Variants in CPED1 observed in about 807,000 individuals in gnomAD.
CPED1 encodes cadherin like and PC-esterase domain containing 1, also known as cadherin-like and PC-esterase domain-containing protein 1.
In CPED1, 114 loss-of-function variants were observed where a neutral mutation model predicts 128.2. The ratio of observed to expected loss-of-function variants is 0.89; its 90% CI spans 0.76 to 1.04. The LOEUF (loss-of-function observed/expected upper bound fraction) is 1.04, where lower values mean the gene tolerates loss of function less well. Among genes scored for constraint, CPED1 ranks in the 50% least tolerant of loss-of-function variants. The probability of loss-of-function intolerance (pLI) is 0.00; values close to 1 mark genes in which losing one functional copy is unlikely to be tolerated. For missense variants in CPED1, 1,211 were observed against 1,207.1 expected (o/e 1.00, Z -0.05); for synonymous variants, 462 against 426.7 (o/e 1.08, Z -1.02).
chr7:121,283,781 A>G (rs1792508272), intron 22 of CPED1, among the ~76,000 whole-genome samples: 1 of 152,170 alleles, frequency 6.6e-6, no homozygotes, highest in Non-Finnish European at 1.5e-5. Context: ...AATCATGGTG[A>G]CTGTCTCCCA....
At chr7:121,275,937 A>T (rs1037149762) in intron 22 of CPED1, among the ~76,000 whole-genome samples, 1 of 134,780 alleles carries the variant, frequency 7.4e-6, no homozygotes, top group Non-Finnish European at 1.5e-5. Flanking sequence ...TTCATCCGGT[A>T]AAAAAAAAAA....
chr7:120,998,973 A>G (rs1039763054), intron 2 of CPED1, among the ~76,000 whole-genome samples: 1 of 152,194 alleles, frequency 6.6e-6, no homozygotes, highest in Admixed American at 6.5e-5. Context: ...TACACAGAAT[A>G]TAAGCTCCTT....
chr7:121,132,133 T>G (rs1475620174), intron 12 of CPED1, among the ~76,000 whole-genome samples: 1 of 152,116 alleles, frequency 6.6e-6, no homozygotes, highest in Non-Finnish European at 1.5e-5. Flanking sequence ...CCAGTGAATG[T>G]GTATATATTT....
intron 21 of CPED1, among the ~76,000 whole-genome samples, chr7:121,270,598 A>G (rs1792210942): frequency 6.6e-6 from 1 of 152,110 alleles, no homozygotes; most frequent in South Asian, 2.1e-4. Flanking sequence ...ATTATTTTGA[A>G]TATAGAGAGC....
intron 2 of CPED1, among the ~76,000 whole-genome samples, chr7:120,995,595 CA>C: frequency 6.6e-6 from 1 of 152,294 alleles, no homozygotes; most frequent in Non-Finnish European, 1.5e-5. Flanking sequence ...TAAAATACTA[CA>C]AAAATTTAAA....
chr7:121,015,999 T>C, intron 3 of CPED1, 151 bp downstream of exon 3: 1 of 472,224 alleles, frequency 2.1e-6, no homozygotes, highest in Non-Finnish European at 3.6e-6. Context: ...CTTATCTCTT[T>C]TTTTTAACTT....
intron 16 of CPED1, among the ~76,000 whole-genome samples, chr7:121,151,719 G>A (rs553122635): frequency 1.3e-5 from 2 of 152,314 alleles, no homozygotes; most frequent in South Asian, 4.1e-4. Context: ...AAATTGAACA[G>A]TATATCATTT....
intron 16 of CPED1, among the ~76,000 whole-genome samples, chr7:121,144,330 A>G (rs1477745359): frequency 2.6e-5 from 4 of 152,258 alleles, no homozygotes; most frequent in South Asian, 2.1e-4. Context: ...AATGTGGTAC[A>G]TATATACAAT....
At chr7:121,075,708 C>T (rs1794106954) in intron 5 of CPED1, among the ~76,000 whole-genome samples, 1 of 152,066 alleles carries the variant, frequency 6.6e-6, no homozygotes, top group South Asian at 2.1e-4. Flanking sequence ...ACGTGATCCA[C>T]CCATCAATAA....
intron 16 of CPED1, among the ~76,000 whole-genome samples, chr7:121,179,019 A>G (rs1273182818): frequency 6.6e-6 from 1 of 152,076 alleles, no homozygotes; most frequent in Non-Finnish European, 1.5e-5. Context: ...CATACAGCAG[A>G]AAAACAAGGT....
chr7:121,041,229 T>C (rs1455007124), intron 3 of CPED1, among the ~76,000 whole-genome samples: 2 of 152,170 alleles, frequency 1.3e-5, no homozygotes, highest in Non-Finnish European at 2.9e-5. Flanking sequence ...ACTGATTCAC[T>C]CATTTATACA....
At chr7:121,140,791 CA>C in intron 14 of CPED1, 35 bp from the exon 15 acceptor site, 1 of 1,473,322 alleles carries the variant, frequency 6.8e-7, no homozygotes, top group South Asian at 1.2e-5. Flanking sequence ...ACCCACTTCA[CA>C]GTTGTCTTTG....
chr7:121,021,661 CCTTA>C (rs1655073617), intron 3 of CPED1, among the ~76,000 whole-genome samples: 2 of 151,822 alleles, frequency 1.3e-5, no homozygotes, highest in South Asian at 4.1e-4. Flanking sequence ...AGGTTGGAGT[CCTTA>C]GTGTTACCTT....
intron 16 of CPED1, among the ~76,000 whole-genome samples, chr7:121,154,823 C>T (rs1393737148): frequency 1.3e-5 from 2 of 152,172 alleles, no homozygotes; most frequent in Admixed American, 6.5e-5. Context: ...GGATTACAGG[C>T]GTGAGCCACC....
chr7:121,141,150 T>G, intron 15 of CPED1, 137 bp downstream of exon 15: 1 of 582,336 alleles, frequency 1.7e-6, no homozygotes, highest in Non-Finnish European at 2.8e-6. Flanking sequence ...TTTCCCCTTC[T>G]CATTTTTTTT....
chr7:121,048,549 T>C (rs1206026454), intron 4 of CPED1, among the ~76,000 whole-genome samples: 3 of 152,178 alleles, frequency 2.0e-5, no homozygotes. Flanking sequence ...GTTTTTGTTT[T>C]GTTTTTTTGA....
intron 2 of CPED1, among the ~76,000 whole-genome samples, chr7:121,001,580 T>C (rs1791859976): frequency 6.6e-6 from 1 of 152,098 alleles, no homozygotes; most frequent in Non-Finnish European, 1.5e-5. Flanking sequence ...TCTTTTGGCA[T>C]AGGAAAAAGT....
chr7:121,218,374 C>G (rs1383337216), intron 16 of CPED1, among the ~76,000 whole-genome samples: 1 of 151,936 alleles, frequency 6.6e-6, no homozygotes, highest in Non-Finnish European at 1.5e-5. Flanking sequence ...ATTAAATATT[C>G]AACTCTCTTA....
At chr7:121,141,333 C>T (rs983414870) in intron 15 of CPED1, among the ~76,000 whole-genome samples, 7 of 151,996 alleles carry the variant, frequency 4.6e-5, no homozygotes, top group African/African-American at 1.7e-4. Flanking sequence ...AAATTGATTG[C>T]TTAAACCAAT....
Sources: gnomAD v4.1 joint callset for allele counts (sites outside exome capture counted in the v4.1 genomes callset) on GRCh38, gnomAD v4.1.1 for gene constraint, MANE v1.5 for transcripts, NCBI Gene and HGNC (gene_info 2026-07-23, HGNC 2026-07-21) for gene names.